DLG2: variants seen among roughly 807,000 people sequenced by gnomAD.
DLG2 encodes the protein discs large MAGUK scaffold protein 2.
In DLG2, 45 loss-of-function variants were observed where a neutral mutation model predicts 132.5. The ratio of observed to expected loss-of-function variants is 0.34; its 90% CI spans 0.27 to 0.44. DLG2 has a LOEUF of 0.44. DLG2 is among the 20% of genes least tolerant of loss of function. The probability of loss-of-function intolerance (pLI) is 1.00; values close to 1 mark genes in which losing one functional copy is unlikely to be tolerated. For missense variants in DLG2, 1,045 were observed against 1,196.9 expected (o/e 0.87, Z 1.87); for synonymous variants, 424 against 419.6 (o/e 1.01, Z -0.13).
chr11:84,294,053 G>GAT lies in DLG2; in HGVS notation c.520-42764_520-42763dup, dbSNP rs550072737. On this transcript the variant is annotated intron_variant, in intron 7 of 27. Coordinates refer to ENST00000376104, the MANE Select transcript of DLG2 (RefSeq NM_001142699.3). ...GACTAGGGTATAAAGGTTCATGAAA[G>GAT]ATAATACAGTACACCATTCACCTTG... Among the ~76,000 whole-genome samples the GAT allele has an allele frequency of 4.3e-4, 65 of 152,218 alleles. 1 individual carries two copies. In the South Asian group the frequency reaches 0.013, roughly 30 times the overall value.
At chr11:83,579,485 A>C (rs2096933605) in intron 19 of DLG2, among the ~76,000 whole-genome samples, 2 of 152,246 alleles carry the variant, frequency 1.3e-5, no homozygotes, top group African/African-American at 4.8e-5. Context: ...CAAAAACTAA[A>C]GACAAAATTA....
chr11:85,408,024 T>C (rs1389576447), intron 3 of DLG2, among the ~76,000 whole-genome samples: 1 of 151,692 alleles, frequency 6.6e-6, no homozygotes, highest in East Asian at 1.9e-4. Context: ...AAAAAAAGAC[T>C]GACAGTCTAT....
chr11:85,241,504 C>T (rs2075875615), intron 4 of DLG2, among the ~76,000 whole-genome samples: 1 of 151,894 alleles, frequency 6.6e-6, no homozygotes, highest in Admixed American at 6.6e-5. Context: ...TAACATTTCT[C>T]TGTTTACATT....
chr11:84,519,882 A>G (rs1178948275), intron 7 of DLG2, among the ~76,000 whole-genome samples: 6 of 152,198 alleles, frequency 3.9e-5, no homozygotes, highest in African/African-American at 1.4e-4. Flanking sequence ...AATTCATATC[A>G]TTTCTGAAGT....
chr11:84,968,538 T>C (rs2053629366), intron 6 of DLG2, among the ~76,000 whole-genome samples: 1 of 152,204 alleles, frequency 6.6e-6, no homozygotes, highest in African/African-American at 2.4e-5. Flanking sequence ...GTAATGGTAT[T>C]ATAAAAATTT....
At chr11:84,009,174 A>G (rs7109170) in intron 11 of DLG2, among the ~76,000 whole-genome samples, 14,335 of 151,860 alleles carry the variant, frequency 0.094, 1,309 homozygotes, top group African/African-American at 0.25. Context: ...CTAATAGTAT[A>G]CCATTTTGGT....
At chr11:83,871,922 T>C (rs144286578) in intron 16 of DLG2, among the ~76,000 whole-genome samples, 28 of 152,326 alleles carry the variant, frequency 1.8e-4, no homozygotes, top group Non-Finnish European at 3.8e-4. Flanking sequence ...TATATTTAAC[T>C]AGTACTTATT....
chr11:85,495,777 C>T (rs960304609), intron 3 of DLG2, among the ~76,000 whole-genome samples: 6 of 152,180 alleles, frequency 3.9e-5, no homozygotes, highest in Non-Finnish European at 5.9e-5. Flanking sequence ...AATTCCATTA[C>T]TGGGTATATA....
chr11:85,322,133 C>A (rs1309935959), intron 3 of DLG2, among the ~76,000 whole-genome samples: 2 of 152,104 alleles, frequency 1.3e-5, no homozygotes, highest in East Asian at 3.9e-4. Flanking sequence ...AATAGATACA[C>A]TCCACCTTCT....
At chr11:85,425,037 C>CAAAAA (rs1437381269) in intron 3 of DLG2, among the ~76,000 whole-genome samples, 6 of 40,654 alleles carry the variant, frequency 1.5e-4, no homozygotes, top group Admixed American at 1.2e-3. Context: ...AACAAACAAA[C>CAAAAA]AAAAAAACAA....
rs1555113454 is a variant in DLG2, at chr11:83,499,895, A to ATC, written c.2194-15668_2194-15667insGA. On this transcript the variant is annotated intron_variant, in intron 21 of 27. Transcript: ENST00000376104. ...TATATATATATATATATATATATATATATCAGTTCTGTCCCTCCAGAGAAC... is the reference window on the plus strand; with the variant it reads ...TATATATATATATATATATATATATATCTATCAGTTCTGTCCCTCCAGAGAAC... 1.4e-3 allele frequency among the ~76,000 whole-genome samples: 163 copies of ATC among 114,514 alleles called. 1 individual carries two copies. The highest frequency in any genetic ancestry group is 5.6e-3 in the African/African-American group (161 of 28,874). 75.1% of individuals were successfully genotyped at this position (114,514 alleles called of 152,430 possible). A position where few individuals can be genotyped will look rare whatever the true frequency, so the allele number is the denominator to read the frequency against.
intron 6 of DLG2, among the ~76,000 whole-genome samples, chr11:85,010,229 G>A (rs141491966): frequency 2.6e-4 from 39 of 152,060 alleles, no homozygotes; most frequent in Non-Finnish European, 4.7e-4. Context: ...TAAAATCATC[G>A]TATGCCTTTG....
At chr11:85,482,945 T>C (rs2093334092) in intron 3 of DLG2, among the ~76,000 whole-genome samples, 2 of 152,322 alleles carry the variant, frequency 1.3e-5, no homozygotes, top group South Asian at 4.1e-4. Flanking sequence ...ATCTGCTATA[T>C]AAGATATCTG....
chr11:85,062,468 T>C (rs1315336685), intron 6 of DLG2, among the ~76,000 whole-genome samples: 1 of 151,638 alleles, frequency 6.6e-6, no homozygotes, highest in Non-Finnish European at 1.5e-5. Context: ...GTAACATTTA[T>C]TGAAAAGTCA....
At chr11:83,524,900 ATG>A (rs146536521) in intron 21 of DLG2, among the ~76,000 whole-genome samples, 1 of 152,080 alleles carries the variant, frequency 6.6e-6, no homozygotes. Flanking sequence ...AAACATGAGT[ATG>A]TGTGTGTGTG....
At chr11:85,300,390 T>A (rs2079515119) in intron 3 of DLG2, among the ~76,000 whole-genome samples, 1 of 152,108 alleles carries the variant, frequency 6.6e-6, no homozygotes, top group African/African-American at 2.4e-5. Flanking sequence ...AACATAATAC[T>A]GCCCCTCCAA....
chr11:84,133,384 C>A (rs2094488976), intron 9 of DLG2, among the ~76,000 whole-genome samples: 2 of 151,940 alleles, frequency 1.3e-5, no homozygotes, highest in South Asian at 4.1e-4. Context: ...AACAAAGAAA[C>A]TGGTAGAAGT....
chr11:84,915,362 C>G (rs1461188137), intron 6 of DLG2, among the ~76,000 whole-genome samples: 2 of 152,066 alleles, frequency 1.3e-5, no homozygotes, highest in East Asian at 1.9e-4. Context: ...TATCACAATG[C>G]ATAACTTTTG....
intron 3 of DLG2, among the ~76,000 whole-genome samples, chr11:85,465,221 G>A (rs1349016901): frequency 6.7e-6 from 1 of 148,452 alleles, no homozygotes; most frequent in East Asian, 2.0e-4. Flanking sequence ...TAGCTCACTG[G>A]AAACTCAAAC....
Sources: gnomAD v4.1 joint callset for allele counts (sites outside exome capture counted in the v4.1 genomes callset) on GRCh38, gnomAD v4.1.1 for gene constraint, MANE v1.5 for transcripts, NCBI Gene and HGNC (gene_info 2026-07-23, HGNC 2026-07-21) for gene names.